Variants in KHDRBS2 observed in about 807,000 individuals in gnomAD.
The protein encoded by KHDRBS2 is KH RNA binding domain containing, signal transduction associated 2, also known as KH domain-containing, RNA-binding, signal transduction-associated protein 2.
Under a neutral mutation model 44.3 loss-of-function variants are expected in KHDRBS2, and 26 were observed. The observed-to-expected ratio is 0.59, with a 90% CI of 0.43 to 0.81. The LOEUF (loss-of-function observed/expected upper bound fraction) is 0.81. KHDRBS2 is among the 40% of genes least tolerant of loss of function. The probability of loss-of-function intolerance (pLI) is 0.00; values close to 1 mark genes in which losing one functional copy is unlikely to be tolerated. For synonymous variants in KHDRBS2, 194 were observed against 151.1 expected (o/e 1.28, Z -2.08); for missense variants, 476 against 433.1 (o/e 1.10, Z -0.88).
intron 1 of KHDRBS2, among the ~76,000 whole-genome samples, chr6:62,253,867 G>A (rs1397377757): frequency 8.6e-5 from 13 of 151,832 alleles, no homozygotes; most frequent in African/African-American, 3.1e-4. Context: ...TGCTATTTCT[G>A]GTATAACAGT....
chr6:61,599,091 G>A, the KHDRBS2 span, among the ~76,000 whole-genome samples: 17 of 151,770 alleles, frequency 1.1e-4, no homozygotes, highest in East Asian at 1.9e-4. Flanking sequence ...CTGCCACCAC[G>A]TCCAGCTAAT....
chr6:62,125,484 G>A (rs963812995), intron 2 of KHDRBS2, among the ~76,000 whole-genome samples: 1 of 152,114 alleles, frequency 6.6e-6, no homozygotes, highest in Non-Finnish European at 1.5e-5. Context: ...AGTGGACTTG[G>A]GGGGCAAACA....
At chr6:62,102,438 G>T (rs1468432397) in intron 2 of KHDRBS2, among the ~76,000 whole-genome samples, 4 of 152,144 alleles carry the variant, frequency 2.6e-5, no homozygotes, top group African/African-American at 9.7e-5. Flanking sequence ...GGATTGCAGA[G>T]CCCCAAAGAG....
intron 2 of KHDRBS2, among the ~76,000 whole-genome samples, chr6:62,107,208 C>G (rs1169981466): frequency 6.6e-6 from 1 of 151,788 alleles, no homozygotes; most frequent in South Asian, 2.1e-4. Flanking sequence ...TGTCTCAGCC[C>G]AAAATCTCCT....
chr6:62,045,161 A>G (rs1787398290), intron 3 of KHDRBS2, among the ~76,000 whole-genome samples: 1 of 152,020 alleles, frequency 6.6e-6, no homozygotes, highest in Non-Finnish European at 1.5e-5. Context: ...TGAGGAGGGG[A>G]ACAATAAAGA....
rs183119262 is a variant in KHDRBS2 at position 61,944,302 on chromosome 6, C to T, written c.483+33764G>A. Among the ~76,000 whole-genome samples, 342 of 152,210 alleles carry T rather than the reference C, an allele frequency of 2.2e-3. 2 individuals are homozygous for T. The highest frequency in any genetic ancestry group is 8.0e-3 in the African/African-American group (332 of 41,548). ...GACGGATAAAGAAAATGTACACACA[C>T]AATGGAATACTATTAGTCCATATAA... On this transcript the variant is annotated intron_variant, in intron 4 of 8. Transcript: ENST00000281156.
At chr6:61,894,038 C>A (rs997543694) in intron 6 of KHDRBS2, among the ~76,000 whole-genome samples, 6 of 151,854 alleles carry the variant, frequency 4.0e-5, no homozygotes, top group African/African-American at 1.5e-4. Flanking sequence ...ACAATCAGAA[C>A]TAAAGGTTAA....
chr6:62,119,116 G>A (rs1806994044), intron 2 of KHDRBS2, among the ~76,000 whole-genome samples: 1 of 152,138 alleles, frequency 6.6e-6, no homozygotes, highest in Non-Finnish European at 1.5e-5. Context: ...GGTTACTGGA[G>A]TTGGGTGCTA....
chr6:61,740,932 G>T (rs927167592), intron 6 of KHDRBS2, among the ~76,000 whole-genome samples: 2 of 151,682 alleles, frequency 1.3e-5, no homozygotes, highest in African/African-American at 4.8e-5. Context: ...AACCACCATT[G>T]TCCACTGAGA....
At chr6:62,092,172 A>G (rs1262991651) in intron 2 of KHDRBS2, among the ~76,000 whole-genome samples, 1 of 151,882 alleles carries the variant, frequency 6.6e-6, no homozygotes, top group African/African-American at 2.4e-5. Flanking sequence ...CATTTCCAGC[A>G]ACCTGAGACT....
chr6:62,091,898 TTAA>T (rs562413144), intron 2 of KHDRBS2, among the ~76,000 whole-genome samples: 7 of 152,150 alleles, frequency 4.6e-5, no homozygotes, highest in Non-Finnish European at 8.8e-5. Context: ...TCATTACGTA[TTAA>T]TTATTAATTA....
At position 61,972,790 on chromosome 6, in the gene KHDRBS2, T is replaced by C. The variant is rs369045609; in HGVS notation, c.483+5276A>G. 5.9e-5 allele frequency among the ~76,000 whole-genome samples: 9 copies of C among 152,214 alleles called. No individual in the cohort carries two copies. The East Asian group carries it at 7.7e-4, about 13-fold the overall frequency. ...CTTTTAGGTCTTGCCATTTATCAGT[T>C]ACTTTTGCTGGCTGGTGGGGTTTAG... On this transcript the variant is annotated intron_variant, in intron 4 of 8. Transcript: ENST00000281156.
At chr6:62,147,827 C>T (rs565816062) in intron 2 of KHDRBS2, among the ~76,000 whole-genome samples, 16 of 151,988 alleles carry the variant, frequency 1.1e-4, no homozygotes, top group South Asian at 2.1e-4. Flanking sequence ...ATACCTGGCA[C>T]GGTTGCCTGA....
At chr6:61,718,378 T>C (rs1391279773) in intron 7 of KHDRBS2, among the ~76,000 whole-genome samples, 1 of 152,130 alleles carries the variant, frequency 6.6e-6, no homozygotes, top group Non-Finnish European at 1.5e-5. Context: ...TCCATAACAA[T>C]TTCATATCAT....
chr6:61,782,330 C>T (rs1367064649), intron 6 of KHDRBS2, among the ~76,000 whole-genome samples: 1 of 151,996 alleles, frequency 6.6e-6, no homozygotes, highest in Non-Finnish European at 1.5e-5. Flanking sequence ...TAAGATCAAC[C>T]AACTCATTCG....
chr6:61,604,984 C>T, the KHDRBS2 span, among the ~76,000 whole-genome samples: 8 of 152,152 alleles, frequency 5.3e-5, no homozygotes, highest in African/African-American at 9.7e-5. Context: ...GTGGAACCTT[C>T]ATACTCCTTA....
At chr6:62,137,331 C>T (rs1226009399) in intron 2 of KHDRBS2, among the ~76,000 whole-genome samples, 1 of 152,070 alleles carries the variant, frequency 6.6e-6, no homozygotes, top group African/African-American at 2.4e-5. Flanking sequence ...ATATAATTCT[C>T]AGATCTTGTG....
intron 1 of KHDRBS2, among the ~76,000 whole-genome samples, chr6:62,217,490 C>T (rs1830215498): frequency 6.6e-6 from 1 of 151,770 alleles, no homozygotes; most frequent in Non-Finnish European, 1.5e-5. Context: ...TGAAGAGTTG[C>T]TTTTCAAACA....
chr6:62,250,535 G>GAGGAAGGC (rs938709414), intron 1 of KHDRBS2, among the ~76,000 whole-genome samples: 9 of 152,078 alleles, frequency 5.9e-5, no homozygotes, highest in South Asian at 4.2e-4. Context: ...GGGAGGGAGG[G>GAGGAAGGC]AGGAAGGCAG....
Sources: allele counts gnomAD v4.1 joint callset (sites outside exome capture counted in the v4.1 genomes callset), GRCh38; gene constraint gnomAD v4.1.1; transcripts MANE v1.5; gene names NCBI Gene and HGNC (gene_info 2026-07-23, HGNC 2026-07-21).